The following PAX8 variants were observed in gnomAD, a reference collection of about 807,000 sequenced individuals.
PAX8 encodes the protein paired box protein Pax-8.
Under a neutral mutation model 52.4 loss-of-function variants are expected in PAX8, and 15 were observed. The observed-to-expected ratio is 0.29, with a 90% CI of 0.19 to 0.44. The LOEUF (loss-of-function observed/expected upper bound fraction) is 0.44. Among genes scored for constraint, PAX8 ranks in the 20% least tolerant of loss-of-function variants. The probability of loss-of-function intolerance (pLI) is 1.00; values close to 1 mark genes in which losing one functional copy is unlikely to be tolerated. For missense variants in PAX8, 554 were observed against 602.5 expected, an observed-to-expected ratio of 0.92 and a Z score of 0.84; for synonymous variants, 284 against 249.7, an observed-to-expected ratio of 1.14 and a Z score of -1.29.
chr2:113,232,819 C>T (rs531642667), intron 9 of PAX8, among the ~76,000 whole-genome samples: 63 of 152,160 alleles, frequency 4.1e-4, no homozygotes, highest in Admixed American at 2.8e-3. Context: ...CTTCCAGCTG[C>T]CCTACATCCT....
rs375319248 is a variant in PAX8 at position 113,246,843 on chromosome 2, G to A, written c.102C>T (p.Ile34=). 3.7e-6 allele frequency: 6 copies of A among 1,614,122 alleles called. No homozygotes were observed. Among genetic ancestry groups the A allele is most frequent in the East Asian group, 4.5e-5 (2 of 44,894 alleles). The change falls in exon 3 of 12, where the codon ATC becomes ATT. Residue 34 remains isoleucine (I), a synonymous_variant. Coordinates refer to ENST00000429538, the MANE Select transcript of PAX8 (RefSeq NM_003466.4). ...TTACACCCTGGTGGGCCAGGTCTACGATGCGCTGGCGGACCACTTCCGGCA... is the reference window on the plus strand; with the variant it reads ...TTACACCCTGGTGGGCCAGGTCTACAATGCGCTGGCGGACCACTTCCGGCA... ...RPLPEVVRQR[I]VDLAHQGVRP...
intron 2 of PAX8, among the ~76,000 whole-genome samples, chr2:113,255,152 G>A (rs112978867): frequency 0.039 from 4,230 of 109,582 alleles, 3 homozygotes; most frequent in South Asian, 0.074. Flanking sequence ...AAGGAAAGAA[G>A]GAAGGAAGAA....
chr2:113,238,782 T>C (rs1690573724), intron 7 of PAX8: 1 of 152,232 alleles, frequency 6.6e-6, no homozygotes, highest in African/African-American at 2.4e-5. Context: ...ACGTAAGCAT[T>C]ACATGAAATT....
intron 2 of PAX8, chr2:113,270,692 G>C (rs1693408852): frequency 6.6e-6 from 1 of 152,198 alleles, no homozygotes; most frequent in Non-Finnish European, 1.5e-5. Context: ...TTCTCTCTTA[G>C]GTGCGTCACC....
At chr2:113,252,683 G>A (rs1000767345) in intron 2 of PAX8, among the ~76,000 whole-genome samples, 16 of 152,228 alleles carry the variant, frequency 1.1e-4, no homozygotes, top group African/African-American at 1.7e-4. Flanking sequence ...AACTGTAGCC[G>A]AAAGACAGCA....
chr2:113,272,382 AG>A, intron 2 of PAX8: 1 of 152,332 alleles, frequency 6.6e-6, no homozygotes, highest in Middle Eastern at 3.4e-3. Flanking sequence ...TGGCCAACGA[AG>A]GGGTCTAGAG....
chr2:113,230,811 C>A (rs575837392), intron 9 of PAX8, among the ~76,000 whole-genome samples: 1 of 152,376 alleles, frequency 6.6e-6, no homozygotes, highest in African/African-American at 2.4e-5. Context: ...ACCATGCCCT[C>A]TTACCTACTT....
intron 7 of PAX8, 50 bp from the exon 8 acceptor site, chr2:113,236,771 C>G: frequency 6.5e-7 from 1 of 1,538,566 alleles, no homozygotes; most frequent in African/African-American, 1.4e-5. Flanking sequence ...ACAAGCCGAC[C>G]TTCCTGCAGA....
At chr2:113,250,095 G>A (rs1274250375) in intron 2 of PAX8, among the ~76,000 whole-genome samples, 4 of 151,870 alleles carry the variant, frequency 2.6e-5, no homozygotes, top group East Asian at 3.9e-4. Context: ...GTGAAACCCC[G>A]TCTCTACTAA....
chr2:113,273,021 C>G (rs1693568648), intron 2 of PAX8: 1 of 152,174 alleles, frequency 6.6e-6, no homozygotes. Flanking sequence ...TTAAATGAAA[C>G]AGTTTCTTTT....
At chr2:113,229,847 G>A (rs1689786414) in intron 9 of PAX8, among the ~76,000 whole-genome samples, 1 of 152,152 alleles carries the variant, frequency 6.6e-6, no homozygotes, top group African/African-American at 2.4e-5. Flanking sequence ...CACAGAGCAG[G>A]GACAGGTGGT....
intron 4 of PAX8, 91 bp from the exon 5 acceptor site, chr2:113,242,869 T>C (rs1690980408): frequency 1.1e-6 from 1 of 948,048 alleles, no homozygotes; most frequent in African/African-American, 1.6e-5. Context: ...TGACACCCCT[T>C]TTGGGTATCT....
At chr2:113,235,805 A>T in intron 8 of PAX8, 2 of 535,202 alleles carry the variant, frequency 3.7e-6, no homozygotes, top group South Asian at 5.0e-5. Context: ...AAATGGAGAG[A>T]CCCGGAAGGC....
intron 2 of PAX8, chr2:113,267,602 C>T (rs1437625001): frequency 6.6e-6 from 1 of 152,198 alleles, no homozygotes; most frequent in Non-Finnish European, 1.5e-5. Context: ...GAGCAGATTC[C>T]TGGATAGCTT....
At chr2:113,237,260 C>G (rs909105785) in intron 7 of PAX8, 1 of 152,826 alleles carries the variant, frequency 6.5e-6, no homozygotes, top group Non-Finnish European at 1.5e-5. Context: ...CCACTTCTTA[C>G]ATTTGCAAAG....
Position 113,235,458 on chromosome 2 carries a change from G to T in PAX8, c.1023C>A (p.Pro341=). The T allele has an allele frequency of 6.2e-7, 1 of 1,611,764 alleles. No individual in the cohort carries two copies. Among genetic ancestry groups the T allele is most frequent in the South Asian group, 1.1e-5 (1 of 90,588 alleles). Residue 341 remains proline, a synonymous_variant, in exon 9 of 12, where the codon CCC becomes CCA. Coordinates refer to ENST00000429538, the MANE Select transcript of PAX8 (RefSeq NM_003466.4). ...AGGCAGCATGGGGAAAGGCATTGAAGGGCGGGACCCCGGAGCCGACTTGCT... is the reference window on the plus strand; with the variant it reads ...AGGCAGCATGGGGAAAGGCATTGAATGGCGGGACCCCGGAGCCGACTTGCT... ...DLQQVGSGVP[P]FNAFPHAASV... is the part of the protein sequence containing the mutation.
intron 11 of PAX8, among the ~76,000 whole-genome samples, chr2:113,218,983 G>A (rs955229635): frequency 1.3e-5 from 2 of 152,200 alleles, no homozygotes; most frequent in Admixed American, 6.5e-5. Flanking sequence ...CCAGGACAGA[G>A]AGTCTTCTTT....
Position 113,227,253 on chromosome 2 carries a change from C to A in PAX8, c.1091G>T (p.Arg364Leu). ...GGGCAGCGTGGGCCCCACCATCTCTCGCCCTGGAAAAATACAGCAAAGAGT... is the reference window on the plus strand; with the variant it reads ...GGGCAGCGTGGGCCCCACCATCTCTAGCCCTGGAAAAATACAGCAAAGAGT... ...QFTGQALLSG[R>L]EMVGPTLPGY... Residue 364 changes from arginine (R) to leucine (L), a missense_variant, in exon 10 of 12, where the codon CGA (arginine) becomes CTA (leucine). By Grantham distance (102) the Arg-to-Leu change is moderately radical (BLOSUM62 -2). This residue lies in a region of PAX8 where 445 missense variants were observed against 409.9 expected (regional missense o/e 1.09). Coordinates refer to ENST00000429538, the MANE Select transcript of PAX8 (RefSeq NM_003466.4). 6.2e-7 allele frequency: 1 copy of A among 1,608,026 alleles called. No individual in the cohort carries two copies. The highest frequency in any genetic ancestry group is 8.5e-7 in the Non-Finnish European group (1 of 1,177,678).
chr2:113,263,302 C>T (rs1692825541), intron 2 of PAX8: 2 of 152,510 alleles, frequency 1.3e-5, no homozygotes, highest in African/African-American at 4.8e-5. Flanking sequence ...TGTATCAGCA[C>T]AGCAAATATT....
Sources: gnomAD v4.1 joint callset for allele counts (sites outside exome capture counted in the v4.1 genomes callset) on GRCh38, gnomAD v4.1.1 for gene constraint, gnomAD v4.1.1 regional missense constraint, MANE v1.5 for transcripts, NCBI Gene and HGNC (gene_info 2026-07-23, HGNC 2026-07-21) for gene names.